The following F13A1 variants were observed in gnomAD, a reference collection of about 807,000 sequenced individuals.
F13A1 encodes the protein FSF, A subunit.
Under a neutral mutation model 80.1 loss-of-function variants are expected in F13A1, and 47 were observed. That is an observed-to-expected ratio of 0.59 (90% confidence interval 0.46 to 0.75). The LOEUF (loss-of-function observed/expected upper bound fraction) is 0.75. Among genes scored for constraint, F13A1 ranks in the 30% least tolerant of loss-of-function variants. The pLI, the probability that F13A1 is intolerant of heterozygous loss-of-function variation, is 0.00. For synonymous variants in F13A1, 349 were observed against 344.9 expected (o/e 1.01, Z -0.13); for missense variants, 817 against 930.4 (o/e 0.88, Z 1.59).
At chr6:6,219,296 C>G (rs1296263716) in intron 8 of F13A1, among the ~76,000 whole-genome samples, 2 of 151,932 alleles carry the variant, frequency 1.3e-5, no homozygotes, top group African/African-American at 2.4e-5. Context: ...ATTCCCACCC[C>G]CACCTCAGCC....
chr6:6,311,426 G>A (rs1385677866), intron 2 of F13A1, among the ~76,000 whole-genome samples: 1 of 151,018 alleles, frequency 6.6e-6, no homozygotes. Flanking sequence ...TTTCACATTG[G>A]AATAAAATAC....
At position 6,145,630 on chromosome 6, in the gene F13A1, G is replaced by C. The variant is rs774606062; in HGVS notation, c.2188C>G (p.Pro730Ala). The C allele has an allele frequency of 1.6e-5, 26 of 1,614,016 alleles. No individual in the cohort carries two copies. The Admixed American group carries it at 1.8e-4, about 11-fold the overall frequency. The change falls in exon 15 of 15, where the codon CCT becomes GCT. Residue 730 changes from proline to alanine, a missense_variant. Pro to Ala is a conservative substitution (Grantham distance 27). Coordinates refer to ENST00000264870, the MANE Select transcript of F13A1 (RefSeq NM_000129.4). ...GELDVQIQRRPSM is the reference protein window; with the variant it reads ...GELDVQIQRRASM ...AGCTTCCTGTGCATTCACATGGAAG[G>C]TCGTCTTTGAATCTGCACGTCCAGC...
chr6:6,252,426 CTGTATATA>C (rs1382464636), intron 4 of F13A1, among the ~76,000 whole-genome samples: 1 of 152,052 alleles, frequency 6.6e-6, no homozygotes, highest in East Asian at 1.9e-4. Flanking sequence ...TCTATGTATA[CTGTATATA>C]TGTCTATTTT....
chr6:6,318,685 T>TAAAA lies in F13A1; in HGVS notation c.-18-4_-18-3insTTTT. On this transcript the variant is annotated splice_region_variant and splice_polypyrimidine_tract_variant and intron_variant, in intron 1 of 14. Transcript: ENST00000264870. ...GACATTTTTGACTTTACAAGGTCCT[T>TAAAA]CAGAAAAAAAAAAAAAAGAAGACAA... The TAAAA allele has an allele frequency of 1.4e-6, 2 of 1,415,762 alleles. No individual in the cohort carries two copies. Among genetic ancestry groups the TAAAA allele is most frequent in the East Asian group, 2.8e-5 (1 of 36,322 alleles). 87.7% of individuals were successfully genotyped at this position (1,415,762 alleles called of 1,614,324 possible). A position where few individuals can be genotyped will look rare whatever the true frequency, so the allele number is the denominator to read the frequency against.
chr6:6,177,776 C>T (rs1583057172), intron 11 of F13A1, among the ~76,000 whole-genome samples: 1 of 152,194 alleles, frequency 6.6e-6, no homozygotes, highest in East Asian at 1.9e-4. Context: ...CACACAGGTG[C>T]TCACCACAGA....
chr6:6,275,528 C>A (rs2113135264), intron 3 of F13A1, among the ~76,000 whole-genome samples: 1 of 152,216 alleles, frequency 6.6e-6, no homozygotes, highest in South Asian at 2.1e-4. Flanking sequence ...GGCCACCACA[C>A]CCACTAATTT....
At chr6:6,209,422 T>C (rs1761560896) in intron 8 of F13A1, among the ~76,000 whole-genome samples, 1 of 152,066 alleles carries the variant, frequency 6.6e-6, no homozygotes, top group African/African-American at 2.4e-5. Context: ...AGTAGCTGCT[T>C]TGGAAAACAG....
chr6:6,206,600 T>C (rs373827612), intron 8 of F13A1: 31 of 508,750 alleles, frequency 6.1e-5, no homozygotes, highest in African/African-American at 5.8e-4. Context: ...AATGGATGGG[T>C]ACCTGAGAGG....
chr6:6,251,037 A>T, intron 4 of F13A1, 108 bp from the exon 5 acceptor site: 1 of 877,682 alleles, frequency 1.1e-6, no homozygotes. Context: ...AATCAGCCAA[A>T]TTTTTAAAAA....
At chr6:6,191,818 C>T (rs1451864522) in intron 10 of F13A1, among the ~76,000 whole-genome samples, 2 of 152,210 alleles carry the variant, frequency 1.3e-5, no homozygotes, top group Non-Finnish European at 2.9e-5. Context: ...GACCCTAGAT[C>T]CTGCTCTCAG....
chr6:6,303,449 A>C (rs146349249), intron 3 of F13A1, among the ~76,000 whole-genome samples: 3 of 152,172 alleles, frequency 2.0e-5, no homozygotes, highest in African/African-American at 7.2e-5. Context: ...TGATGTTTTG[A>C]TCAATATGTG....
chr6:6,270,313 G>A (rs891600085), intron 3 of F13A1, among the ~76,000 whole-genome samples: 3 of 152,148 alleles, frequency 2.0e-5, no homozygotes, highest in Admixed American at 6.5e-5. Context: ...GGAGAAATAT[G>A]TTTCTAAACT....
At chr6:6,199,000 A>G (rs1203818902) in intron 8 of F13A1, among the ~76,000 whole-genome samples, 1 of 152,220 alleles carries the variant, frequency 6.6e-6, no homozygotes, top group African/African-American at 2.4e-5. Flanking sequence ...AATAGCCATC[A>G]TGGTTTGTTT....
chr6:6,306,654 GGGAGAA>G (rs1336117780), intron 2 of F13A1, among the ~76,000 whole-genome samples: 1 of 152,220 alleles, frequency 6.6e-6, no homozygotes, highest in Non-Finnish European at 1.5e-5. Context: ...AGAGTTATTG[GGGAGAA>G]GGTGGGGTGG....
At position 6,305,343 on chromosome 6, in the gene F13A1, G is replaced by A. The variant is rs1350714074; in HGVS notation, c.319+8C>T. The A allele has an allele frequency of 1.2e-6, 2 of 1,614,094 alleles. No homozygotes were observed. The highest frequency in any genetic ancestry group is 1.3e-5 in the African/African-American group (1 of 75,026). On this transcript the variant is annotated splice_region_variant and intron_variant, in intron 3 of 14. Transcript: ENST00000264870. Reference sequence around the variant, plus strand: ...GTGTCAAGACTGGAGCTTGCACATGGCACTCACCAATGACGTATTCCACCC... The same window carrying A: ...GTGTCAAGACTGGAGCTTGCACATGACACTCACCAATGACGTATTCCACCC...
At chr6:6,300,120 C>T (rs1391792839) in intron 3 of F13A1, among the ~76,000 whole-genome samples, 1 of 143,576 alleles carries the variant, frequency 7.0e-6, no homozygotes, top group Non-Finnish European at 1.5e-5. Context: ...AGATCTCCAG[C>T]TGTGTGCTGG....
At chr6:6,185,430 T>C (rs193035812) in intron 10 of F13A1, among the ~76,000 whole-genome samples, 1 of 121,422 alleles carries the variant, frequency 8.2e-6, no homozygotes, top group African/African-American at 2.7e-5. Flanking sequence ...GATGATGTGA[T>C]CTCATTGTTC....
rs551895286 is a variant in F13A1, at chr6:6,231,639, G to A, written c.799-6779C>T. Among the ~76,000 whole-genome samples, 21 of 152,290 alleles carry A rather than the reference G, an allele frequency of 1.4e-4. No homozygotes were observed. In the South Asian group the frequency reaches 4.1e-3, roughly 30 times the overall value. ...GCACATTGTCATTAGGTTATCCAAA[G>A]TTAAGACAAAGAAAAGAATCTTAAG... On this transcript the variant is annotated intron_variant, in intron 6 of 14. Transcript: ENST00000264870.
chr6:6,170,636 C>G (rs1760756386), intron 12 of F13A1, among the ~76,000 whole-genome samples: 1 of 152,078 alleles, frequency 6.6e-6, no homozygotes, highest in Non-Finnish European at 1.5e-5. Flanking sequence ...CTAAATATAG[C>G]CAAGTGGAAA....
Sources: allele counts gnomAD v4.1 joint callset (sites outside exome capture counted in the v4.1 genomes callset), GRCh38; gene constraint gnomAD v4.1.1; transcripts MANE v1.5; gene names NCBI Gene and HGNC (gene_info 2026-07-23, HGNC 2026-07-21).